Variants in SCARA3 observed in about 807,000 individuals in gnomAD.
SCARA3 encodes the protein cellular stress response gene protein.
A neutral mutation model predicts 47.0 loss-of-function variants in SCARA3; 39 were observed. The ratio of observed to expected loss-of-function variants is 0.83; its 90% CI spans 0.64 to 1.08. The LOEUF (loss-of-function observed/expected upper bound fraction) is 1.08. Ranked by LOEUF, SCARA3 falls within the 50% of genes least tolerant of loss-of-function variation. The pLI is 0.00. For synonymous variants in SCARA3, 356 were observed against 334.1 expected (o/e 1.07, Z -0.71); for missense variants, 724 against 792.3 (o/e 0.91, Z 1.04).
At chr8:27,706,443 A>C in the SCARA3 span, among the ~76,000 whole-genome samples, 2 of 152,046 alleles carry the variant, frequency 1.3e-5, no homozygotes, top group Admixed American at 1.3e-4. Context: ...ATGAGCCACC[A>C]TGCCCGTCCT....
At chr8:27,733,823 T>C in the SCARA3 span, 7 of 152,300 alleles carry the variant, frequency 4.6e-5, no homozygotes, top group Admixed American at 4.6e-4. Flanking sequence ...TCATAAACGG[T>C]TCCAGCTTGG....
In SCARA3 at chr8:27,635,256, G is replaced by T. The variant is rs188016104; in HGVS notation, c.7+1049G>T. 1.5e-3 allele frequency among the ~76,000 whole-genome samples: 227 copies of T among 152,154 alleles called. 1 individual carries two copies. The highest frequency in any genetic ancestry group is 2.0e-3 in the Non-Finnish European group (136 of 68,002). ...GTCTCTCATACAAAGAATGGCCTGAGGGTTCATTGGAAGAAAGGGCTCCAC... is the reference window on the plus strand; with the variant it reads ...GTCTCTCATACAAAGAATGGCCTGATGGTTCATTGGAAGAAAGGGCTCCAC... On this transcript the variant is annotated intron_variant, in intron 1 of 5. Coordinates refer to ENST00000301904, the MANE Select transcript of SCARA3 (RefSeq NM_016240.3).
At chr8:27,633,743 G>C (rs913879194), upstream of SCARA3, 7 of 150,914 alleles carry the variant, frequency 4.6e-5, no homozygotes, top group African/African-American at 1.7e-4. Flanking sequence ...GGCCGGCCGC[G>C]GCAGTTTTGA....
At position 27,659,023 on chromosome 8, in the gene SCARA3, G is replaced by T. The variant is rs771809915; in HGVS notation, c.853G>T (p.Ala285Ser). 2 of 1,613,940 alleles carry T rather than the reference G, an allele frequency of 1.2e-6. No individual in the cohort carries two copies. Among genetic ancestry groups the T allele is most frequent in the Non-Finnish European group, 1.7e-6 (2 of 1,180,010 alleles). Residue 285 changes from alanine (A) to serine (S), a missense_variant, in exon 5 of 6, where the codon GCC (alanine) becomes TCC (serine). Coordinates refer to ENST00000301904, the MANE Select transcript of SCARA3 (RefSeq NM_016240.3). The part of the protein sequence containing the change: ...AVKNIQATLG[A>S]SSQRISQNSE... ...CAAGAACATCCAGGCCACCCTGGGG[G>T]CCTCCTCACAGCGCATCAGCCAGAA...
At chr8:27,710,295 C>T in the SCARA3 span, among the ~76,000 whole-genome samples, 19 of 151,034 alleles carry the variant, frequency 1.3e-4, no homozygotes, top group East Asian at 1.4e-3. Context: ...TGCTCCTTTT[C>T]GCAATATCTT....
chr8:27,642,056 T>C (rs1480462564), intron 1 of SCARA3, among the ~76,000 whole-genome samples: 2 of 152,248 alleles, frequency 1.3e-5, no homozygotes, highest in African/African-American at 4.8e-5. Flanking sequence ...GCTTATTATT[T>C]TTTTTGGCAG....
At chr8:27,660,052 CT>C (rs1801860890) in intron 5 of SCARA3, among the ~76,000 whole-genome samples, 1 of 151,952 alleles carries the variant, frequency 6.6e-6, no homozygotes, top group Admixed American at 6.6e-5. Context: ...ACTGTCTCCT[CT>C]TTTTTACTCC....
At chr8:27,687,646 C>G in the SCARA3 span, among the ~76,000 whole-genome samples, 1 of 151,980 alleles carries the variant, frequency 6.6e-6, no homozygotes, top group African/African-American at 2.4e-5. Context: ...AATAAAGAAA[C>G]CTAAATAGTA....
At chr8:27,656,208 G>C (rs1207352127) in intron 3 of SCARA3, among the ~76,000 whole-genome samples, 4 of 152,134 alleles carry the variant, frequency 2.6e-5, no homozygotes, top group East Asian at 1.9e-4. Context: ...ATAGCATACT[G>C]TTCTAATAGT....
chr8:27,729,944 G>C, the SCARA3 span, among the ~76,000 whole-genome samples: 1 of 152,054 alleles, frequency 6.6e-6, no homozygotes, highest in Non-Finnish European at 1.5e-5. Context: ...ACCCACACAA[G>C]AGCTCTTCTC....
chr8:27,646,172 T>C lies in SCARA3; in HGVS notation c.8-3530T>C, dbSNP rs565166834. Among the ~76,000 whole-genome samples, 4 of 152,232 alleles carry C rather than the reference T, an allele frequency of 2.6e-5. No homozygotes were observed. In the South Asian group the frequency reaches 6.2e-4, roughly 24 times the overall value. On this transcript the variant is annotated intron_variant, in intron 1 of 5. Transcript: ENST00000301904. ...GGGGATTGGGGAGGGCTGTGAGTTATGGAGCTGAGATGTCAGTGGAGGGAA... is the reference window on the plus strand; with the variant it reads ...GGGGATTGGGGAGGGCTGTGAGTTACGGAGCTGAGATGTCAGTGGAGGGAA...
Position 27,658,687 on chromosome 8 carries a change from A to G in SCARA3, c.517A>G (p.Ser173Gly), listed in dbSNP as rs780478951. The G allele has an allele frequency of 6.2e-7, 1 of 1,614,116 alleles. No individual in the cohort carries two copies. Among genetic ancestry groups the G allele is most frequent in the Non-Finnish European group, 8.5e-7 (1 of 1,179,980 alleles). ...TSRQISQEMG[S>G]CSFSIHQVNQ... ...CAGACAAATCTCCCAGGAGATGGGC[A>G]GTTGCTCCTTCTCCATCCACCAGGT... is the stretch of plus-strand genomic sequence containing the variant. Residue 173 changes from serine (S) to glycine (G), a missense_variant, in exon 5 of 6, where the codon AGT (serine) becomes GGT (glycine). By Grantham distance (56) the Ser-to-Gly change is moderately conservative. Coordinates refer to ENST00000301904, the MANE Select transcript of SCARA3 (RefSeq NM_016240.3).
chr8:27,727,437 C>T, the SCARA3 span, among the ~76,000 whole-genome samples: 1 of 152,226 alleles, frequency 6.6e-6, no homozygotes, highest in Non-Finnish European at 1.5e-5. Context: ...CCTGCTGGTC[C>T]TTCGCTGCAT....
At chr8:27,725,283 G>T in the SCARA3 span, among the ~76,000 whole-genome samples, 1,335 of 152,140 alleles carry the variant, frequency 8.8e-3, 25 homozygotes, top group African/African-American at 0.031. Flanking sequence ...GGGAAGCCAG[G>T]CATGTGATTA....
the SCARA3 span, among the ~76,000 whole-genome samples, chr8:27,682,923 T>C: frequency 6.6e-6 from 1 of 152,084 alleles, no homozygotes. Flanking sequence ...ATTCTACTCC[T>C]AGGAATTTAC....
At chr8:27,668,710 TAAA>T (rs1050586094) in intron 5 of SCARA3, among the ~76,000 whole-genome samples, 4 of 151,758 alleles carry the variant, frequency 2.6e-5, no homozygotes, top group African/African-American at 9.7e-5. Context: ...AAAATAAAAA[TAAA>T]AAAATCAGCT....
chr8:27,711,675 T>C, the SCARA3 span, among the ~76,000 whole-genome samples: 4 of 152,150 alleles, frequency 2.6e-5, no homozygotes, highest in East Asian at 1.9e-4. Flanking sequence ...CTAGGAAATA[T>C]ATATTTTTGT....
At chr8:27,693,552 A>T in the SCARA3 span, among the ~76,000 whole-genome samples, 2 of 152,238 alleles carry the variant, frequency 1.3e-5, no homozygotes, top group South Asian at 4.2e-4. Context: ...AAAATTCTAA[A>T]GCTCCCCCAA....
chr8:27,698,483 C>T, the SCARA3 span, among the ~76,000 whole-genome samples: 1 of 152,146 alleles, frequency 6.6e-6, no homozygotes, highest in African/African-American at 2.4e-5. Context: ...GATCTCATCT[C>T]CCAACACTTT....
Sources: allele counts gnomAD v4.1 joint callset (sites outside exome capture counted in the v4.1 genomes callset), GRCh38; gene constraint gnomAD v4.1.1; transcripts MANE v1.5; gene names NCBI Gene and HGNC (gene_info 2026-07-23, HGNC 2026-07-21).